METTL15: variants seen among roughly 807,000 people sequenced by gnomAD.
METTL15 encodes methyltransferase 15, mitochondrial 12S rRNA N4-cytidine.
Under a neutral mutation model 38.3 loss-of-function variants are expected in METTL15, and 34 were observed. The ratio of observed to expected loss-of-function variants is 0.89; its 90% CI spans 0.68 to 1.18. The LOEUF is 1.18. Among genes scored for constraint, METTL15 ranks in the 50% most tolerant of loss-of-function variants. The pLI, the probability that METTL15 is intolerant of heterozygous loss-of-function variation, is 0.00. For synonymous variants in METTL15, 162 were observed against 170.9 expected (o/e 0.95, Z 0.41); for missense variants, 438 against 498.4 (o/e 0.88, Z 1.15).
chr11:28,182,797 T>C (rs979817446), intron 3 of METTL15, among the ~76,000 whole-genome samples: 1 of 152,094 alleles, frequency 6.6e-6, no homozygotes, highest in Non-Finnish European at 1.5e-5. Context: ...GTGAAGAAAG[T>C]CAGTGGTAGC....
chr11:28,336,017 A>T (rs919563559), downstream of METTL15, among the ~76,000 whole-genome samples: 1 of 147,628 alleles, frequency 6.8e-6, no homozygotes, highest in Non-Finnish European at 1.5e-5. Context: ...GATTTACCAA[A>T]ATCTAACTTA....
intron 6 of METTL15, among the ~76,000 whole-genome samples, chr11:28,501,283 G>T (rs1260689431): frequency 2.0e-5 from 3 of 152,194 alleles, no homozygotes; most frequent in African/African-American, 7.2e-5. Context: ...TGAGGGCTGA[G>T]AGATTTCTGC....
intron 6 of METTL15, among the ~76,000 whole-genome samples, chr11:28,456,445 GT>G (rs1368465719): frequency 2.1e-4 from 32 of 151,552 alleles, no homozygotes; most frequent in East Asian, 5.9e-4. Context: ...TTGTTTGTTT[GT>G]TTTGTTTTGT....
intron 4 of METTL15, among the ~76,000 whole-genome samples, chr11:28,233,723 T>C (rs1210183077): frequency 2.6e-5 from 4 of 152,090 alleles, no homozygotes; most frequent in Admixed American, 2.6e-4. Context: ...ACATGAGTGG[T>C]GAGGAATACT....
At chr11:28,112,889 C>G (rs1454153213) in intron 2 of METTL15, among the ~76,000 whole-genome samples, 3 of 152,142 alleles carry the variant, frequency 2.0e-5, no homozygotes, top group African/African-American at 7.2e-5. Context: ...AGAAGACCAT[C>G]TGAATCTAAA....
At chr11:28,334,363 G>C (rs1849881530), downstream of METTL15, among the ~76,000 whole-genome samples, 1 of 151,684 alleles carries the variant, frequency 6.6e-6, no homozygotes, top group Non-Finnish European at 1.5e-5. Flanking sequence ...AATTGCTTCT[G>C]GTTAAAATTT....
chr11:28,389,899 T>C (rs1333318741), intron 5 of METTL15, among the ~76,000 whole-genome samples: 1 of 151,946 alleles, frequency 6.6e-6, no homozygotes, highest in African/African-American at 2.4e-5. Context: ...ACCTGTTGTT[T>C]CCTGACTTTT....
chr11:28,172,179 T>TC (rs1850884449), intron 3 of METTL15, among the ~76,000 whole-genome samples: 1 of 152,184 alleles, frequency 6.6e-6, no homozygotes, highest in South Asian at 2.1e-4. Context: ...TTTTTTTCTT[T>TC]CAAAACAAGA....
chr11:28,449,756 C>T (rs1851105101), intron 6 of METTL15, among the ~76,000 whole-genome samples: 2 of 152,100 alleles, frequency 1.3e-5, no homozygotes, highest in African/African-American at 4.8e-5. Flanking sequence ...CCATGAGCTG[C>T]TGTGTAAGAA....
intron 6 of METTL15, among the ~76,000 whole-genome samples, chr11:28,326,773 GTTTTT>G (rs1849648706): frequency 1.3e-5 from 2 of 151,552 alleles, no homozygotes; most frequent in East Asian, 2.0e-4. Context: ...TTTTGTTTTT[GTTTTT>G]GTTTTTTGGT....
At chr11:28,149,192 T>C (rs374200621) in intron 3 of METTL15, among the ~76,000 whole-genome samples, 92 of 151,996 alleles carry the variant, frequency 6.1e-4, no homozygotes, top group Non-Finnish European at 1.1e-3. Context: ...TTTCTGATTT[T>C]TTTTTTTTTT....
At chr11:28,236,482 A>G (rs547544854) in intron 4 of METTL15, among the ~76,000 whole-genome samples, 8 of 152,276 alleles carry the variant, frequency 5.3e-5, no homozygotes, top group Non-Finnish European at 1.2e-4. Context: ...CCACAATTTC[A>G]GATTCTGTTA....
chr11:28,251,628 C>G (rs145571577), intron 4 of METTL15, among the ~76,000 whole-genome samples: 174 of 152,108 alleles, frequency 1.1e-3, no homozygotes, highest in African/African-American at 2.4e-3. Context: ...ATGTTGCTAG[C>G]CAATCTATTC....
intron 6 of METTL15, among the ~76,000 whole-genome samples, chr11:28,500,631 C>T (rs1367326068): frequency 1.3e-5 from 2 of 151,802 alleles, no homozygotes; most frequent in African/African-American, 4.8e-5. Flanking sequence ...TCAAGCGATT[C>T]TCCTGCCTCA....
rs550363700 is a variant in METTL15 at position 28,348,246 on chromosome 11, TCTTG to T, written c.*190-3839_*190-3836del. On this transcript the variant is annotated intron_variant and NMD_transcript_variant, in intron 3 of 7. Transcript: ENST00000532947. The stretch of plus-strand genomic sequence containing the variant: ...ACTAGTTGTAGTGTCTGTTGAAGTT[TCTTG>T]CTTGGGTTAATTATTATGATTATTG... Among the ~76,000 whole-genome samples, 29 of 152,384 alleles carry T rather than the reference TCTTG, an allele frequency of 1.9e-4. No individual in the cohort carries two copies. The South Asian group carries it at 2.7e-3, about 14-fold the overall frequency.
intron 6 of METTL15, among the ~76,000 whole-genome samples, chr11:28,304,735 A>C (rs1857023169): frequency 6.6e-6 from 1 of 152,142 alleles, no homozygotes; most frequent in South Asian, 2.1e-4. Context: ...AAAATAAAAT[A>C]ATAAAATTTA....
intron 6 of METTL15, among the ~76,000 whole-genome samples, chr11:28,440,349 AG>A (rs1851023789): frequency 1.3e-5 from 2 of 152,212 alleles, no homozygotes; most frequent in Admixed American, 1.3e-4. Context: ...TGAATTATTA[AG>A]TAGTAATATC....
chr11:28,393,525 G>C lies in METTL15; in HGVS notation c.*359-30774G>C, dbSNP rs185825590. ...GCTATTTGAAGACAGCTGGCTGGAC[G>C]ATCTAGCTTCAAAATGATAAAATGA... On this transcript the variant is annotated intron_variant and NMD_transcript_variant, in intron 5 of 7. Transcript: ENST00000532947. Among the ~76,000 whole-genome samples, 10 of 152,138 alleles carry C rather than the reference G, an allele frequency of 6.6e-5. No individual in the cohort carries two copies. The East Asian group carries it at 1.6e-3, about 24-fold the overall frequency.
chr11:28,487,526 TG>T (rs557527505), intron 6 of METTL15, among the ~76,000 whole-genome samples: 50 of 152,318 alleles, frequency 3.3e-4, no homozygotes, highest in Non-Finnish European at 6.2e-4. Context: ...AGTTGTTCAA[TG>T]GTATAAAGGC....
Sources: allele counts gnomAD v4.1 joint callset (sites outside exome capture counted in the v4.1 genomes callset), GRCh38; gene constraint gnomAD v4.1.1; transcripts MANE v1.5; gene names NCBI Gene and HGNC (gene_info 2026-07-23, HGNC 2026-07-21).